Variants in GPHN observed in about 807,000 individuals in gnomAD.
GPHN encodes gephyrin.
A neutral mutation model predicts 95.5 loss-of-function variants in GPHN; 17 were observed. The observed-to-expected ratio is 0.18, with a 90% CI of 0.12 to 0.27. GPHN has a LOEUF of 0.27. GPHN is among the 10% of genes least tolerant of loss of function. The pLI is 1.00. For synonymous variants in GPHN, 320 were observed against 322.5 expected, an observed-to-expected ratio of 0.99 and a Z score of 0.08; for missense variants, 660 against 978.1, an observed-to-expected ratio of 0.67 and a Z score of 4.34.
chr14:67,374,763 C>T, the GPHN span: 2 of 369,194 alleles, frequency 5.4e-6, no homozygotes, highest in Non-Finnish European at 4.9e-6. Flanking sequence ...TCATAAAATA[C>T]GGGGTTTTTT....
intron 1 of GPHN, among the ~76,000 whole-genome samples, chr14:66,540,532 G>T (rs1013264105): frequency 1.3e-5 from 2 of 152,108 alleles, no homozygotes; most frequent in African/African-American, 4.8e-5. Context: ...TCTGTCTTCC[G>T]TGATAATCAG....
At chr14:67,303,474 AT>A in the GPHN span, 40 of 1,420,568 alleles carry the variant, frequency 2.8e-5, no homozygotes, top group Non-Finnish European at 3.9e-5. Flanking sequence ...TCATGGAATG[AT>A]TTTCATAAAT....
chr14:67,692,955 C>G, the GPHN span: 1 of 1,613,584 alleles, frequency 6.2e-7, no homozygotes, highest in Admixed American at 1.7e-5. Context: ...AGCTCTTTGG[C>G]TGTCTCCTTC....
At chr14:66,518,070 A>G (rs1473110622) in intron 1 of GPHN, among the ~76,000 whole-genome samples, 3 of 151,662 alleles carry the variant, frequency 2.0e-5, no homozygotes, top group Non-Finnish European at 4.4e-5. Flanking sequence ...TAGGATATAC[A>G]AGAAACTCAA....
chr14:66,722,359 A>G (rs1225484006), intron 2 of GPHN, among the ~76,000 whole-genome samples: 1 of 152,224 alleles, frequency 6.6e-6, no homozygotes, highest in Admixed American at 6.5e-5. Flanking sequence ...GCAGACAGGT[A>G]ATCCAAGAAA....
At chr14:67,172,688 C>T (rs936147865) in intron 21 of GPHN, among the ~76,000 whole-genome samples, 1 of 152,176 alleles carries the variant, frequency 6.6e-6, no homozygotes, top group African/African-American at 2.4e-5. Context: ...AGACTACCCC[C>T]CTAGTGTCTG....
At chr14:67,071,842 A>G (rs1420408081) in intron 11 of GPHN, among the ~76,000 whole-genome samples, 1 of 152,078 alleles carries the variant, frequency 6.6e-6, no homozygotes, top group East Asian at 1.9e-4. Context: ...TAGAAAATTG[A>G]AAAAAGCACA....
At chr14:67,240,376 AC>A in the GPHN span, among the ~76,000 whole-genome samples, 1 of 152,192 alleles carries the variant, frequency 6.6e-6, no homozygotes, top group Non-Finnish European at 1.5e-5. Flanking sequence ...ATGGAAAAAC[AC>A]CGTGGGACAA....
intron 2 of GPHN, among the ~76,000 whole-genome samples, chr14:66,756,123 T>G (rs1420717548): frequency 6.6e-6 from 1 of 152,186 alleles, no homozygotes; most frequent in African/African-American, 2.4e-5. Flanking sequence ...AAGTTTTTGT[T>G]GAATATATTC....
chr14:67,727,214 G>T, the GPHN span: 1 of 1,591,766 alleles, frequency 6.3e-7, no homozygotes, highest in South Asian at 1.1e-5. Context: ...AAGAGGAATA[G>T]CAAAAATGGT....
the GPHN span, among the ~76,000 whole-genome samples, chr14:67,645,099 CCT>C: frequency 6.6e-6 from 1 of 151,888 alleles, no homozygotes; most frequent in African/African-American, 2.4e-5. Context: ...AATGGTTTAC[CCT>C]GTTAATGTCT....
the GPHN span, among the ~76,000 whole-genome samples, chr14:67,261,102 A>G: frequency 1.3e-5 from 2 of 152,200 alleles, no homozygotes; most frequent in African/African-American, 4.8e-5. Flanking sequence ...GAGATAATGT[A>G]TGTCAGGTGC....
At chr14:67,212,880 C>A in the GPHN span, among the ~76,000 whole-genome samples, 2 of 149,674 alleles carry the variant, frequency 1.3e-5, no homozygotes, top group Admixed American at 6.6e-5. Context: ...AATCCCAGAG[C>A]CTCTAGATAC....
intron 1 of GPHN, among the ~76,000 whole-genome samples, chr14:66,524,836 T>C (rs2058623540): frequency 6.6e-6 from 1 of 152,180 alleles, no homozygotes; most frequent in African/African-American, 2.4e-5. Context: ...CTCATCCTTT[T>C]TTTATGGCTG....
intron 2 of GPHN, among the ~76,000 whole-genome samples, chr14:66,741,603 G>C (rs777665125): frequency 1.3e-5 from 2 of 152,166 alleles, no homozygotes; most frequent in Non-Finnish European, 2.9e-5. Context: ...TGGTTGGATA[G>C]GTGGCAGCTG....
the GPHN span, among the ~76,000 whole-genome samples, chr14:67,306,766 A>G: frequency 1.3e-5 from 2 of 152,214 alleles, no homozygotes; most frequent in Non-Finnish European, 2.9e-5. Flanking sequence ...CTATTATTAA[A>G]GCTCATTGAG....
At chr14:66,658,247 TGAG>T (rs1335717193) in intron 1 of GPHN, among the ~76,000 whole-genome samples, 3 of 152,158 alleles carry the variant, frequency 2.0e-5, no homozygotes, top group Admixed American at 6.5e-5. Flanking sequence ...TTTTCACAGA[TGAG>T]GAGCTTTTTC....
At chr14:67,695,478 C>T in the GPHN span, 1 of 684,284 alleles carries the variant, frequency 1.5e-6, no homozygotes, top group Non-Finnish European at 2.4e-6. Flanking sequence ...CCCAGGACAG[C>T]TGGACCTCGC....
the GPHN span, among the ~76,000 whole-genome samples, chr14:67,505,123 G>A: frequency 6.4e-4 from 98 of 152,228 alleles, 1 homozygote; most frequent in African/African-American, 2.3e-3. Flanking sequence ...TATAATGCTC[G>A]TAAGTGTGAC....
Sources: allele counts gnomAD v4.1 joint callset (sites outside exome capture counted in the v4.1 genomes callset), GRCh38; gene constraint gnomAD v4.1.1; transcripts MANE v1.5; gene names NCBI Gene and HGNC (gene_info 2026-07-23, HGNC 2026-07-21).